Variants in ATP6V0A4 observed in about 807,000 individuals in gnomAD.
ATP6V0A4 encodes ATPase H+ transporting V0 subunit a4.
Under a neutral mutation model 107.3 loss-of-function variants are expected in ATP6V0A4, and 86 were observed. The observed-to-expected ratio is 0.80, with a 90% CI of 0.67 to 0.96. ATP6V0A4 has a LOEUF of 0.96. ATP6V0A4 is among the 40% of genes least tolerant of loss of function. The pLI is 0.00. For synonymous variants in ATP6V0A4, 353 were observed against 381.4 expected (o/e 0.93, Z 0.87); for missense variants, 908 against 1,045.6 (o/e 0.87, Z 1.81).
chr7:138,748,279 G>A (rs535639239), intron 12 of ATP6V0A4, among the ~76,000 whole-genome samples: 5 of 152,236 alleles, frequency 3.3e-5, no homozygotes, highest in East Asian at 3.9e-4. Flanking sequence ...CAGTTTGCTC[G>A]CAGGGACCCT....
chr7:138,742,918 A>AAT (rs1165108383), intron 14 of ATP6V0A4, among the ~76,000 whole-genome samples: 2 of 150,310 alleles, frequency 1.3e-5, no homozygotes, highest in African/African-American at 2.5e-5. Context: ...AAAAAAAATC[A>AAT]CAGATATAGC....
Position 138,752,636 on chromosome 7 carries a change from C to T in ATP6V0A4, c.1018G>A (p.Glu340Lys). ...ADATRIKRAL[E>K]QGMELSGSSM... ...CACCTGCCACGCACCATGCCTTGCT[C>T]CAGTGCCCTCTTGATACGTGTGGCA... Residue 340 changes from glutamate (E) to lysine (K), a missense_variant, in exon 11 of 22, where the codon GAG becomes AAG. Coordinates refer to ENST00000310018, the MANE Select transcript of ATP6V0A4 (RefSeq NM_020632.3). 1 of 1,613,456 alleles carries T rather than the reference C, an allele frequency of 6.2e-7. No homozygotes were observed. The highest frequency in any genetic ancestry group is 8.5e-7 in the Non-Finnish European group (1 of 1,179,868).
intron 10 of ATP6V0A4, among the ~76,000 whole-genome samples, chr7:138,753,759 C>G (rs1448773073): frequency 6.6e-6 from 1 of 152,196 alleles, no homozygotes; most frequent in Non-Finnish European, 1.5e-5. Context: ...AAGCCCAATA[C>G]TACCTGTCAC....
At chr7:138,715,113 C>T (rs1175300184) in intron 20 of ATP6V0A4, among the ~76,000 whole-genome samples, 1 of 152,196 alleles carries the variant, frequency 6.6e-6, no homozygotes, top group Non-Finnish European at 1.5e-5. Flanking sequence ...CTACCTGCAG[C>T]CTGCAGCAGG....
intron 6 of ATP6V0A4, 173 bp from the exon 7 acceptor site, chr7:138,762,607 T>C: frequency 1.2e-6 from 1 of 805,448 alleles, no homozygotes; most frequent in Non-Finnish European, 1.5e-6. Flanking sequence ...CCTGGTCTTT[T>C]CCTACCAAAA....
intron 1 of ATP6V0A4, among the ~76,000 whole-genome samples, chr7:138,792,921 T>C (rs982675870): frequency 6.6e-6 from 1 of 152,098 alleles, no homozygotes; most frequent in Non-Finnish European, 1.5e-5. Flanking sequence ...TGATTTAGCA[T>C]GCCAAACAAA....
At position 138,713,709 on chromosome 7, in the gene ATP6V0A4, T is replaced by C. The variant is rs111635911; in HGVS notation, c.2257+2055A>G. On this transcript the variant is annotated intron_variant, in intron 20 of 21. Coordinates refer to ENST00000310018, the MANE Select transcript of ATP6V0A4 (RefSeq NM_020632.3). Reference sequence around the variant, plus strand: ...GCTGAGTTATGAAGGACGAATTAAATATCAGATAGAGAGAGAATTAAAGAA... The same window carrying C: ...GCTGAGTTATGAAGGACGAATTAAACATCAGATAGAGAGAGAATTAAAGAA... Among the ~76,000 whole-genome samples, 1,320 of 152,120 alleles carry C rather than the reference T, an allele frequency of 8.7e-3. 15 individuals carry two copies. The highest frequency in any genetic ancestry group is 0.068 in the Middle Eastern group (20 of 294).
intron 18 of ATP6V0A4, among the ~76,000 whole-genome samples, chr7:138,725,962 AC>A (rs1202799616): frequency 6.6e-6 from 1 of 151,626 alleles, no homozygotes; most frequent in East Asian, 2.0e-4. Context: ...ACCATAAAAA[AC>A]GCACATGTTG....
chr7:138,759,939 C>T (rs1021173324), intron 7 of ATP6V0A4, 61 bp from the exon 8 acceptor site: 1 of 1,611,762 alleles, frequency 6.2e-7, no homozygotes, highest in Non-Finnish European at 8.5e-7. Flanking sequence ...AGAGAGAAGG[C>T]CCTGTAGGAC....
intron 20 of ATP6V0A4, among the ~76,000 whole-genome samples, chr7:138,713,830 A>T (rs577226236): frequency 7.7e-4 from 117 of 151,948 alleles, no homozygotes; most frequent in Admixed American, 1.7e-3. Context: ...GCCAGGCACA[A>T]TGGCTCACAC....
intron 2 of ATP6V0A4, among the ~76,000 whole-genome samples, chr7:138,779,727 T>TA (rs1287395250): frequency 6.6e-6 from 1 of 152,222 alleles, no homozygotes; most frequent in Non-Finnish European, 1.5e-5. Context: ...CTTCTCCTGA[T>TA]ACCCCATAAC....
chr7:138,756,397 A>G (rs1806514463), intron 9 of ATP6V0A4, 61 bp downstream of exon 9: 28 of 1,611,832 alleles, frequency 1.7e-5, no homozygotes, highest in Non-Finnish European at 2.3e-5. Context: ...TTGGCATTGC[A>G]CATCTCTTTA....
chr7:138,709,921 C>A, intron 20 of ATP6V0A4, 126 bp from the exon 21 acceptor site: 1 of 1,132,922 alleles, frequency 8.8e-7, no homozygotes, highest in Non-Finnish European at 1.2e-6. Flanking sequence ...ACTCTGTTGC[C>A]TAGGATGGTC....
intron 17 of ATP6V0A4, among the ~76,000 whole-genome samples, chr7:138,731,580 G>C (rs191870685): frequency 7.9e-5 from 12 of 152,174 alleles, no homozygotes; most frequent in African/African-American, 1.2e-4. Flanking sequence ...AGCCCCAATA[G>C]GATTTGTATA....
intron 14 of ATP6V0A4, among the ~76,000 whole-genome samples, chr7:138,740,669 T>C (rs934058741): frequency 1.3e-5 from 2 of 151,412 alleles, no homozygotes; most frequent in Non-Finnish European, 2.9e-5. Flanking sequence ...CTCGAACTCC[T>C]GACCTCAAGT....
At chr7:138,745,963 AT>A (rs1379012839) in intron 13 of ATP6V0A4, among the ~76,000 whole-genome samples, 29 of 45,848 alleles carry the variant, frequency 6.3e-4, no homozygotes, top group African/African-American at 1.3e-3. Flanking sequence ...AAAAAAAAAA[AT>A]ATATATATAT....
At chr7:138,797,321 G>A (rs535197617) in intron 1 of ATP6V0A4, among the ~76,000 whole-genome samples, 67 of 150,486 alleles carry the variant, frequency 4.5e-4, no homozygotes, top group African/African-American at 1.4e-3. Flanking sequence ...GGGTTCAAGC[G>A]ATTTTCCTGC....
intron 2 of ATP6V0A4, among the ~76,000 whole-genome samples, chr7:138,783,238 C>G (rs79615445): frequency 2.0e-5 from 3 of 151,854 alleles, no homozygotes; most frequent in Non-Finnish European, 4.4e-5. Flanking sequence ...CTTCCCCTCC[C>G]CAAATTCTGT....
rs138450787 is a variant in ATP6V0A4 at position 138,727,882 on chromosome 7, T to A, written c.2010+879A>T. 3.1e-3 allele frequency among the ~76,000 whole-genome samples: 465 copies of A among 152,186 alleles called. 3 individuals are homozygous for A. Among genetic ancestry groups the A allele is most frequent in the African/African-American group, 0.01 (436 of 41,526 alleles). On this transcript the variant is annotated intron_variant, in intron 18 of 21. Coordinates refer to ENST00000310018, the MANE Select transcript of ATP6V0A4 (RefSeq NM_020632.3). Reference sequence around the variant, plus strand: ...GATATTAAACTCTGCTTCACCCCCCTAGTACATCTAAGGCTCAGGGGCAGT... The same window carrying A: ...GATATTAAACTCTGCTTCACCCCCCAAGTACATCTAAGGCTCAGGGGCAGT...
Sources: gnomAD v4.1 joint callset for allele counts (sites outside exome capture counted in the v4.1 genomes callset) on GRCh38, gnomAD v4.1.1 for gene constraint, MANE v1.5 for transcripts, NCBI Gene and HGNC (gene_info 2026-07-23, HGNC 2026-07-21) for gene names.